The following SDK2 variants were observed in gnomAD, a reference collection of about 807,000 sequenced individuals.
The protein encoded by SDK2 is protein sidekick-2.
In SDK2, 105 loss-of-function variants were observed where a neutral mutation model predicts 253.9. The observed-to-expected ratio is 0.41, with a 90% CI of 0.35 to 0.49. SDK2 has a LOEUF of 0.49. Among genes scored for constraint, SDK2 ranks in the 20% least tolerant of loss-of-function variants. SDK2 has a pLI of 0.06. For synonymous variants in SDK2, 1,249 were observed against 1,234.9 expected (o/e 1.01, Z -0.24); for missense variants, 2,608 against 3,003.0 (o/e 0.87, Z 3.07).
rs754774087 is a variant in SDK2, at chr17:73,401,114, G to A, written c.2877C>T (p.Thr959=). The change falls in exon 21 of 45, where the codon ACC becomes ACT. Residue 959 remains threonine (T), a synonymous_variant. Coordinates refer to ENST00000392650, the MANE Select transcript of SDK2 (RefSeq NM_001144952.2). ...VTLEYRVTGL[T]ALTTYTIEVA... ...CCTCGATGGTGTAGGTGGTGAGCGCGGTGAGGCCCGTGACACGGTACTCCA... is the reference window on the plus strand; with the variant it reads ...CCTCGATGGTGTAGGTGGTGAGCGCAGTGAGGCCCGTGACACGGTACTCCA... 2.8e-5 allele frequency: 44 copies of A among 1,564,156 alleles called. No individual in the cohort carries two copies. Among genetic ancestry groups the A allele is most frequent in the Non-Finnish European group, 3.4e-5 (39 of 1,154,344 alleles).
Position 73,407,373 on chromosome 17 carries a change from G to A in SDK2, c.2485-5232C>T, listed in dbSNP as rs185755430. Among the ~76,000 whole-genome samples the A allele has an allele frequency of 7.8e-4, 118 of 152,200 alleles. 1 individual carries two copies. The highest frequency in any genetic ancestry group is 3.4e-3 in the Middle Eastern group (1 of 294). On this transcript the variant is annotated intron_variant, in intron 18 of 44. Coordinates refer to ENST00000392650, the MANE Select transcript of SDK2 (RefSeq NM_001144952.2). ...GAAGAGGCCAATGATGGGTCCATTT[G>A]TACCACTGAACTGGCAGCACCCAGT...
chr17:73,539,561 T>G (rs2044832806), intron 1 of SDK2, among the ~76,000 whole-genome samples: 1 of 151,834 alleles, frequency 6.6e-6, no homozygotes, highest in Non-Finnish European at 1.5e-5. Flanking sequence ...GACCCTTTGG[T>G]GAAAGCAAGT....
intron 4 of SDK2, among the ~76,000 whole-genome samples, chr17:73,448,985 A>G (rs2063473229): frequency 1.3e-5 from 2 of 152,196 alleles, no homozygotes; most frequent in Non-Finnish European, 1.5e-5. Flanking sequence ...TTTGAAGCTC[A>G]TAACCAAGAG....
intron 1 of SDK2, among the ~76,000 whole-genome samples, chr17:73,640,231 C>T (rs1336154101): frequency 2.2e-5 from 3 of 133,522 alleles, no homozygotes; most frequent in East Asian, 2.1e-4. Context: ...AAATATTTGC[C>T]GAACAAATGC....
chr17:73,394,521 G>A (rs553697401), intron 25 of SDK2, among the ~76,000 whole-genome samples, 197 bp from the exon 26 acceptor site: 2 of 152,306 alleles, frequency 1.3e-5, no homozygotes, highest in Admixed American at 6.5e-5. Flanking sequence ...TGCAGATGCC[G>A]TTTCCGGTTT....
At chr17:73,522,823 T>C (rs1282449792) in intron 1 of SDK2, among the ~76,000 whole-genome samples, 1 of 152,236 alleles carries the variant, frequency 6.6e-6, no homozygotes, top group Non-Finnish European at 1.5e-5. Flanking sequence ...GGGCTCACCC[T>C]GAGCATCTCC....
chr17:73,627,951 C>T (rs1251645338), intron 1 of SDK2, among the ~76,000 whole-genome samples: 1 of 152,140 alleles, frequency 6.6e-6, no homozygotes, highest in East Asian at 1.9e-4. Flanking sequence ...ACTCGGGAGG[C>T]TGAGGCAGGA....
rs1363742026 is a variant in SDK2, at chr17:73,478,712, G to A, written c.225-6494C>T. Among the ~76,000 whole-genome samples, 4 of 152,290 alleles carry A rather than the reference G, an allele frequency of 2.6e-5. No individual in the cohort carries two copies. In the East Asian group the frequency reaches 5.8e-4, roughly 22 times the overall value. On this transcript the variant is annotated intron_variant, in intron 2 of 44. Coordinates refer to ENST00000392650, the MANE Select transcript of SDK2 (RefSeq NM_001144952.2). ...TGAGGAAACACACAATGCCCTTTTT[G>A]GTTCGAGTCCTTGAGTGTCACAGTT...
At chr17:73,619,738 A>C (rs2046105485) in intron 1 of SDK2, among the ~76,000 whole-genome samples, 1 of 152,222 alleles carries the variant, frequency 6.6e-6, no homozygotes, top group South Asian at 2.1e-4. Context: ...ACTTCATCAA[A>C]ATTAAAATCT....
At chr17:73,522,627 T>G (rs959547021) in intron 1 of SDK2, among the ~76,000 whole-genome samples, 1 of 152,126 alleles carries the variant, frequency 6.6e-6, no homozygotes, top group African/African-American at 2.4e-5. Context: ...CTCCTGATGG[T>G]TATCCATCCA....
intron 1 of SDK2, among the ~76,000 whole-genome samples, chr17:73,566,788 C>T (rs2045317546): frequency 2.0e-5 from 3 of 151,542 alleles, no homozygotes; most frequent in Admixed American, 2.0e-4. Flanking sequence ...AACGACAAAG[C>T]ACTCAAAATG....
At chr17:73,550,791 A>G (rs1372527528) in intron 1 of SDK2, among the ~76,000 whole-genome samples, 1 of 152,190 alleles carries the variant, frequency 6.6e-6, no homozygotes, top group Non-Finnish European at 1.5e-5. Flanking sequence ...GATCGGTGAC[A>G]CAAGAGGCCT....
At chr17:73,522,711 AC>A (rs2064092034) in intron 1 of SDK2, among the ~76,000 whole-genome samples, 1 of 151,866 alleles carries the variant, frequency 6.6e-6, no homozygotes, top group African/African-American at 2.4e-5. Context: ...CACCCCACCC[AC>A]CCCCGCTCCT....
chr17:73,408,055 T>C (rs1262534162), intron 18 of SDK2, among the ~76,000 whole-genome samples: 2 of 127,590 alleles, frequency 1.6e-5, no homozygotes, highest in Non-Finnish European at 3.5e-5. Context: ...TCCTTTTTTT[T>C]TTTTTTTTTC....
At chr17:73,416,133 GC>G (rs2063180173) in intron 16 of SDK2, 141 bp from the exon 17 acceptor site, 1 of 652,512 alleles carries the variant, frequency 1.5e-6, no homozygotes, top group African/African-American at 1.8e-5. Flanking sequence ...CCGACAGGGT[GC>G]CCGCCAGCAC....
At chr17:73,424,511 T>C (rs2063263534) in intron 12 of SDK2, among the ~76,000 whole-genome samples, 1 of 152,228 alleles carries the variant, frequency 6.6e-6, no homozygotes, top group African/African-American at 2.4e-5. Context: ...AGGGGAATCA[T>C]TATATCAATG....
At chr17:73,349,883 T>A (rs2062519066) in intron 43 of SDK2, among the ~76,000 whole-genome samples, 1 of 152,190 alleles carries the variant, frequency 6.6e-6, no homozygotes, top group Non-Finnish European at 1.5e-5. Context: ...TGCAGGGCTG[T>A]TTCCCTGGCA....
At position 73,423,617 on chromosome 17, in the gene SDK2, A is replaced by G. The variant is rs181120333; in HGVS notation, c.1761-95T>C. The G allele has an allele frequency of 5.7e-5, 75 of 1,308,610 alleles. No individual in the cohort carries two copies. The East Asian group carries it at 1.5e-3, about 27-fold the overall frequency. The allele number at this position is 1,308,610 out of a possible 1,614,324, so 81.1% of individuals were successfully genotyped here. On this transcript the variant is annotated intron_variant, in intron 13 of 44. Coordinates refer to ENST00000392650, the MANE Select transcript of SDK2 (RefSeq NM_001144952.2). ...CAGGTTGTGTAGGCCTTGACCTTCC[A>G]TGATACCGCATGCTTAGACGTAAAA...
chr17:73,486,017 G>C (rs1392133944), intron 2 of SDK2, among the ~76,000 whole-genome samples: 1 of 152,234 alleles, frequency 6.6e-6, no homozygotes, highest in Non-Finnish European at 1.5e-5. Context: ...CTGGAGAGAG[G>C]TGATGGGGCT....
Sources: gnomAD v4.1 joint callset for allele counts (sites outside exome capture counted in the v4.1 genomes callset) on GRCh38, gnomAD v4.1.1 for gene constraint, MANE v1.5 for transcripts, NCBI Gene and HGNC (gene_info 2026-07-23, HGNC 2026-07-21) for gene names.